The following FBLN7 variants were observed in gnomAD, a reference collection of about 807,000 sequenced individuals.
FBLN7 encodes fibulin-7.
In FBLN7, 31 loss-of-function variants were observed where a neutral mutation model predicts 44.0. That is an observed-to-expected ratio of 0.70 (90% confidence interval 0.53 to 0.95). The LOEUF (loss-of-function observed/expected upper bound fraction) is 0.95. Ranked by LOEUF, FBLN7 falls within the 40% of genes least tolerant of loss-of-function variation. The probability of loss-of-function intolerance (pLI) is 0.00; values close to 1 mark genes in which losing one functional copy is unlikely to be tolerated. For missense variants in FBLN7, 573 were observed against 618.5 expected, an observed-to-expected ratio of 0.93 and a Z score of 0.78; for synonymous variants, 262 against 253.4, an observed-to-expected ratio of 1.03 and a Z score of -0.32.
chr2:112,147,909 A>G (rs560071753), intron 1 of FBLN7, among the ~76,000 whole-genome samples: 21 of 152,206 alleles, frequency 1.4e-4, no homozygotes, highest in Non-Finnish European at 2.4e-4. Context: ...GCTGTGGCCA[A>G]AAAGAGTGGT....
intron 1 of FBLN7, among the ~76,000 whole-genome samples, chr2:112,140,826 C>T (rs1680607479): frequency 6.6e-6 from 1 of 152,154 alleles, no homozygotes. Context: ...CCCGAGCCGG[C>T]GAGGCCCTGG....
the FBLN7 span, chr2:112,238,526 A>G: frequency 6.3e-7 from 1 of 1,592,768 alleles, no homozygotes; most frequent in South Asian, 1.1e-5. Flanking sequence ...CAGAGTGTCT[A>G]AACTAAGTAA....
chr2:112,138,677 G>C lies in FBLN7; in HGVS notation c.22G>C (p.Ala8Pro). MVPSSPRALFLLLLILAC... is the reference protein window; with the variant it reads MVPSSPRPLFLLLLILAC... ...CAAGATGGTGCCCAGCTCTCCGCGC[G>C]CGCTCTTCCTTCTGCTCCTGATCCT... The change falls in exon 1 of 8, where the codon GCG (alanine) becomes CCG (proline). Residue 8 changes from alanine to proline, a missense_variant. Physicochemically the swap from Ala to Pro is conservative, Grantham distance 27. Transcript: ENST00000331203. 6.2e-7 allele frequency: 1 copy of C among 1,613,758 alleles called. No individual in the cohort carries two copies. Among genetic ancestry groups the C allele is most frequent in the Non-Finnish European group, 8.5e-7 (1 of 1,179,882 alleles).
At chr2:112,214,846 G>A in the FBLN7 span, 5 of 152,132 alleles carry the variant, frequency 3.3e-5, no homozygotes, top group African/African-American at 1.2e-4. Flanking sequence ...GAGAATCTCT[G>A]TCTCCTAACT....
chr2:112,229,282 G>A, the FBLN7 span, among the ~76,000 whole-genome samples: 3 of 152,156 alleles, frequency 2.0e-5, no homozygotes, highest in African/African-American at 4.8e-5. Flanking sequence ...AGAATGATAT[G>A]AGGCCTCTAT....
chr2:112,233,634 G>A, the FBLN7 span, among the ~76,000 whole-genome samples: 7 of 152,134 alleles, frequency 4.6e-5, no homozygotes, highest in Non-Finnish European at 1.0e-4. Context: ...TTTGGAGGCC[G>A]AGGTGCGCGG....
intron 1 of FBLN7, among the ~76,000 whole-genome samples, chr2:112,147,402 A>G (rs1415856583): frequency 1.3e-5 from 2 of 152,208 alleles, no homozygotes; most frequent in Non-Finnish European, 2.9e-5. Context: ...TTGTTCCATA[A>G]TCCACTACAG....
the FBLN7 span, chr2:112,240,421 A>G: frequency 1.3e-5 from 2 of 152,202 alleles, no homozygotes; most frequent in Non-Finnish European, 2.9e-5. Context: ...CAAAAAGATT[A>G]TTCAGTATGC....
chr2:112,238,565 G>A, the FBLN7 span: 2 of 1,533,298 alleles, frequency 1.3e-6, no homozygotes, highest in Non-Finnish European at 1.8e-6. Flanking sequence ...TAAAAACCTA[G>A]CATGATTCAA....
chr2:112,198,489 T>G, the FBLN7 span, among the ~76,000 whole-genome samples: 1 of 151,918 alleles, frequency 6.6e-6, no homozygotes, highest in African/African-American at 2.4e-5. Flanking sequence ...AATACAAAAA[T>G]TAGCCAGGTG....
Position 112,175,781 on chromosome 2 carries a change from C to T in FBLN7, c.474C>T (p.Tyr158=). 1 of 1,614,172 alleles carries T rather than the reference C, an allele frequency of 6.2e-7. No individual in the cohort carries two copies. The highest frequency in any genetic ancestry group is 1.1e-5 in the South Asian group (1 of 91,086). The stretch of plus-strand genomic sequence containing the variant: ...CATGTGTAGAAGGAGTCAACCAGTA[C>T]AGATGCATTTGTCCTCCAGGAAGGA... ...GGTCVEGVNQ[Y]RCICPPGRTG... is the part of the protein sequence containing the mutation. Residue 158 remains tyrosine (Y), a synonymous_variant, in exon 4 of 8, where the codon TAC becomes TAT. Transcript: ENST00000331203.
chr2:112,153,519 G>A (rs143359835), intron 1 of FBLN7, among the ~76,000 whole-genome samples: 3 of 152,274 alleles, frequency 2.0e-5, no homozygotes, highest in African/African-American at 7.2e-5. Context: ...AGAAGCCCCA[G>A]GGACCAGTCC....
chr2:112,231,842 G>T, the FBLN7 span: 1 of 1,561,162 alleles, frequency 6.4e-7, no homozygotes, highest in Non-Finnish European at 8.7e-7. Flanking sequence ...ACTTACTTTA[G>T]CCAACAATTC....
intron 2 of FBLN7, among the ~76,000 whole-genome samples, chr2:112,160,761 CACGCACACGCAG>C (rs397873287): frequency 0.47 from 66,772 of 141,002 alleles, 15,074 homozygotes; most frequent in Middle Eastern, 0.64. Context: ...CGCACACACG[CACGCACACGCAG>C]ACGCACACGC....
the FBLN7 span, among the ~76,000 whole-genome samples, chr2:112,233,022 G>A: frequency 6.6e-6 from 1 of 152,112 alleles, no homozygotes; most frequent in East Asian, 1.9e-4. Flanking sequence ...AGGTCTCATG[G>A]ACCCTCTATA....
At chr2:112,152,843 C>T (rs1231766813) in intron 1 of FBLN7, 1 of 152,196 alleles carries the variant, frequency 6.6e-6, no homozygotes, top group East Asian at 1.9e-4. Context: ...TAAAATTGGA[C>T]TTGCCAGCCC....
chr2:112,224,702 T>C, the FBLN7 span, among the ~76,000 whole-genome samples: 1 of 152,216 alleles, frequency 6.6e-6, no homozygotes, highest in Non-Finnish European at 1.5e-5. Flanking sequence ...AACACCATAC[T>C]GAGCAAAAGA....
the FBLN7 span, among the ~76,000 whole-genome samples, chr2:112,237,415 A>G: frequency 4.6e-5 from 7 of 152,296 alleles, no homozygotes; most frequent in Non-Finnish European, 5.9e-5. Flanking sequence ...AACATTTTAA[A>G]TAGATCAAGT....
chr2:112,236,370 AAAAG>A, the FBLN7 span, among the ~76,000 whole-genome samples: 4 of 152,242 alleles, frequency 2.6e-5, no homozygotes, highest in Non-Finnish European at 5.9e-5. Context: ...ATCAGTGAGA[AAAAG>A]AAAGCTGCAA....
Sources: gnomAD v4.1 joint callset for allele counts (sites outside exome capture counted in the v4.1 genomes callset) on GRCh38, gnomAD v4.1.1 for gene constraint, MANE v1.5 for transcripts, NCBI Gene and HGNC (gene_info 2026-07-23, HGNC 2026-07-21) for gene names.